Variants in TLN2 observed in about 807,000 individuals in gnomAD.
The protein encoded by TLN2 is talin-2.
A neutral mutation model predicts 294.7 loss-of-function variants in TLN2; 118 were observed. The ratio of observed to expected loss-of-function variants is 0.40; its 90% CI spans 0.34 to 0.47. The LOEUF (loss-of-function observed/expected upper bound fraction) is 0.47, where lower values mean the gene tolerates loss of function less well. TLN2 is among the 20% of genes least tolerant of loss of function. The probability of loss-of-function intolerance (pLI) is 0.84; values close to 1 mark genes in which losing one functional copy is unlikely to be tolerated. For missense variants in TLN2, 3,083 were observed against 3,282.2 expected, an observed-to-expected ratio of 0.94 and a Z score of 1.48; for synonymous variants, 1,431 against 1,304.5, an observed-to-expected ratio of 1.10 and a Z score of -2.09.
chr15:62,596,740 CAAA>C (rs11345944), intron 2 of TLN2, among the ~76,000 whole-genome samples: 5 of 135,200 alleles, frequency 3.7e-5, no homozygotes, highest in African/African-American at 1.3e-4. Context: ...GACTCTGTCT[CAAA>C]AAAAAAAAAA....
intron 45 of TLN2, among the ~76,000 whole-genome samples, chr15:62,789,058 G>T (rs528690151): frequency 6.6e-6 from 1 of 152,266 alleles, no homozygotes; most frequent in East Asian, 1.9e-4. Context: ...GGAATCCTGA[G>T]ATCCCATTCT....
At position 62,766,399 on chromosome 15, in the gene TLN2, G is replaced by A. The variant is rs2063007904; in HGVS notation, c.5173G>A (p.Glu1725Lys). The A allele has an allele frequency of 6.2e-7, 1 of 1,611,834 alleles. No individual in the cohort carries two copies. Among genetic ancestry groups the A allele is most frequent in the South Asian group, 1.1e-5 (1 of 91,034 alleles). ...TCCCATCGCCACAGCGGCTCGGGGAGAAGCAGCTCAGCTGGGACATAAGGT... is the reference window on the plus strand; with the variant it reads ...TCCCATCGCCACAGCGGCTCGGGGAAAAGCAGCTCAGCTGGGACATAAGGT... ...IDPIATAARG[E>K]AAQLGHKVTQ... The change falls in exon 41 of 59, where the codon GAA becomes AAA. Residue 1725 changes from glutamate (E) to lysine (K), a missense_variant. By Grantham distance (56) the Glu-to-Lys change is moderately conservative. Transcript: ENST00000636159.
At chr15:62,823,849 T>C in intron 54 of TLN2, 1 of 432,898 alleles carries the variant, frequency 2.3e-6, no homozygotes, top group South Asian at 1.7e-5. Flanking sequence ...GGCAGACTTG[T>C]GCTCCAAAGA....
At chr15:62,473,164 T>G (rs2037581984) in intron 1 of TLN2, among the ~76,000 whole-genome samples, 1 of 152,186 alleles carries the variant, frequency 6.6e-6, no homozygotes, top group Non-Finnish European at 1.5e-5. Context: ...GCGTAGACTT[T>G]TAAAAATGAA....
At chr15:62,574,110 C>T (rs1035631595) in intron 1 of TLN2, among the ~76,000 whole-genome samples, 3 of 151,950 alleles carry the variant, frequency 2.0e-5, no homozygotes. Flanking sequence ...CTCAACTCCT[C>T]GGTATTTTAG....
At chr15:62,690,179 G>T (rs1272691544) in intron 12 of TLN2, 3 of 157,508 alleles carry the variant, frequency 1.9e-5, no homozygotes, top group African/African-American at 7.3e-5. Context: ...CGGACGGGGT[G>T]GCTGCCAGGC....
chr15:62,482,033 A>G (rs1336673048), intron 1 of TLN2, among the ~76,000 whole-genome samples: 1 of 151,740 alleles, frequency 6.6e-6, no homozygotes, highest in East Asian at 1.9e-4. Context: ...CTGACCTCAG[A>G]CGATCCACCT....
At chr15:62,640,111 T>C (rs1030726077) in intron 3 of TLN2, 1 of 452,868 alleles carries the variant, frequency 2.2e-6, no homozygotes, top group African/African-American at 2.0e-5. Flanking sequence ...GGCTTTGGCA[T>C]TTGCAGCACT....
chr15:62,652,019 TA>T lies in TLN2; in HGVS notation c.254del (p.Lys85ArgfsTer15). The part of the protein sequence containing the change: ...MLRNGDILEY[K>X]KKQRPQKIRM... Reference sequence around the variant, plus strand: ...TTGTGCTCTAGGATATTTTGGAATATAAAAAGAAACAGAGACCTCAGAAAAT... The same window carrying T: ...TTGTGCTCTAGGATATTTTGGAATATAAAAGAAACAGAGACCTCAGAAAAT... On this transcript the variant is annotated frameshift_variant, in exon 6 of 59. Coordinates refer to ENST00000636159, the MANE Select transcript of TLN2 (RefSeq NM_015059.3). LOFTEE classifies it high-confidence loss of function. 1 of 1,609,986 alleles carries T rather than the reference TA, an allele frequency of 6.2e-7. No homozygotes were observed. Among genetic ancestry groups the T allele is most frequent in the Non-Finnish European group, 8.5e-7 (1 of 1,177,640 alleles).
At chr15:62,406,183 A>G (rs908474147) in intron 1 of TLN2, among the ~76,000 whole-genome samples, 2 of 152,208 alleles carry the variant, frequency 1.3e-5, no homozygotes, top group African/African-American at 4.8e-5. Flanking sequence ...TTACTGTGTC[A>G]GTTCTGGAAG....
At chr15:62,695,496 G>C (rs2058262817) in intron 14 of TLN2, among the ~76,000 whole-genome samples, 1 of 152,184 alleles carries the variant, frequency 6.6e-6, no homozygotes, top group Admixed American at 6.5e-5. Flanking sequence ...AGTTAGTTGA[G>C]ATACACATAT....
intron 11 of TLN2, among the ~76,000 whole-genome samples, chr15:62,677,250 G>A (rs1026756033): frequency 2.6e-5 from 4 of 152,184 alleles, no homozygotes; most frequent in African/African-American, 9.7e-5. Flanking sequence ...TTTTCATCAT[G>A]TCCACTGATA....
At chr15:62,600,485 A>G (rs2046901803) in intron 2 of TLN2, among the ~76,000 whole-genome samples, 1 of 152,086 alleles carries the variant, frequency 6.6e-6, no homozygotes, top group African/African-American at 2.4e-5. Flanking sequence ...GTGTTTAAGG[A>G]CCATGTTTTC....
chr15:62,746,061 A>G (rs969853699), intron 32 of TLN2, among the ~76,000 whole-genome samples: 4 of 152,208 alleles, frequency 2.6e-5, no homozygotes, highest in Non-Finnish European at 4.4e-5. Flanking sequence ...GAGTTGAGGA[A>G]AACTGGCGGC....
intron 30 of TLN2, among the ~76,000 whole-genome samples, chr15:62,739,058 G>A (rs188003565): frequency 4.2e-4 from 64 of 151,914 alleles, no homozygotes; most frequent in African/African-American, 1.4e-3. Flanking sequence ...GCCTTGGTGT[G>A]GATCCTGTCT....
intron 36 of TLN2, 103 bp from the exon 37 acceptor site, chr15:62,755,429 G>T (rs531065792): frequency 3.3e-5 from 46 of 1,393,212 alleles, no homozygotes; most frequent in East Asian, 7.7e-5. Flanking sequence ...AATTACACAG[G>T]CTCTGAACAT....
At chr15:62,525,994 G>A (rs2040716658) in intron 1 of TLN2, among the ~76,000 whole-genome samples, 1 of 152,184 alleles carries the variant, frequency 6.6e-6, no homozygotes, top group Admixed American at 6.5e-5. Flanking sequence ...CATTAATGGT[G>A]CAGGTGGGGC....
intron 1 of TLN2, among the ~76,000 whole-genome samples, chr15:62,473,346 CTT>C (rs534278190): frequency 1.4e-5 from 2 of 144,076 alleles, no homozygotes; most frequent in Non-Finnish European, 1.5e-5. Context: ...ACAAAACTGT[CTT>C]TTTTTTTTTT....
chr15:62,497,715 G>T (rs1339313587), intron 1 of TLN2, among the ~76,000 whole-genome samples: 2 of 152,046 alleles, frequency 1.3e-5, no homozygotes, highest in Non-Finnish European at 2.9e-5. Context: ...TTCTACATTT[G>T]GTTTTAGTAG....
Sources: allele counts gnomAD v4.1 joint callset (sites outside exome capture counted in the v4.1 genomes callset), GRCh38; gene constraint gnomAD v4.1.1; transcripts MANE v1.5; gene names NCBI Gene and HGNC (gene_info 2026-07-23, HGNC 2026-07-21).